Variants in ZPLD1 observed in about 807,000 individuals in gnomAD.
ZPLD1 encodes zona pellucida like domain containing 1.
A neutral mutation model predicts 47.2 loss-of-function variants in ZPLD1; 34 were observed. The ratio of observed to expected loss-of-function variants is 0.72; its 90% CI spans 0.55 to 0.96. The LOEUF is 0.96. ZPLD1 is among the 40% of genes least tolerant of loss of function. ZPLD1 has a pLI of 0.00. For missense variants in ZPLD1, 512 were observed against 505.8 expected (o/e 1.01, Z -0.12); for synonymous variants, 176 against 186.2 (o/e 0.95, Z 0.45).
At chr3:102,432,969 T>C (rs1707033994), upstream of ZPLD1, among the ~76,000 whole-genome samples, 1 of 152,228 alleles carries the variant, frequency 6.6e-6, no homozygotes, top group South Asian at 2.1e-4. Context: ...CTATTCTTCT[T>C]GCTTTATTCA....
At chr3:102,427,791 A>G (rs2107311642) in intron 8 of ZPLD1, among the ~76,000 whole-genome samples, 1 of 152,356 alleles carries the variant, frequency 6.6e-6, no homozygotes, top group East Asian at 1.9e-4. Flanking sequence ...TACATGAAAT[A>G]CACAGACAAC....
chr3:102,422,287 C>A (rs1706889315), intron 8 of ZPLD1, among the ~76,000 whole-genome samples: 1 of 151,830 alleles, frequency 6.6e-6, no homozygotes, highest in South Asian at 2.1e-4. Context: ...GTGATTTTGC[C>A]CCCTAGGAGA....
intron 3 of ZPLD1, among the ~76,000 whole-genome samples, chr3:102,440,548 T>A (rs1707160723): frequency 6.6e-6 from 1 of 152,022 alleles, no homozygotes; most frequent in South Asian, 2.1e-4. Flanking sequence ...ATTTTTAGAA[T>A]ATATAGTGGC....
chr3:102,390,993 A>G (rs1444922012), intron 6 of ZPLD1, among the ~76,000 whole-genome samples: 1 of 152,074 alleles, frequency 6.6e-6, no homozygotes, highest in Non-Finnish European at 1.5e-5. Context: ...GACTAAGTAA[A>G]TTTTTAGTCT....
chr3:102,451,531 C>T (rs1398506512), intron 3 of ZPLD1, among the ~76,000 whole-genome samples: 1 of 152,164 alleles, frequency 6.6e-6, no homozygotes, highest in Non-Finnish European at 1.5e-5. Flanking sequence ...TCTAGGGCTG[C>T]TGTAACAAAG....
At chr3:102,465,937 G>A (rs185353550) in intron 8 of ZPLD1, among the ~76,000 whole-genome samples, 7 of 152,244 alleles carry the variant, frequency 4.6e-5, no homozygotes, top group Admixed American at 1.3e-4. Flanking sequence ...GCTCCCAGAA[G>A]CAGCTGGAGA....
chr3:102,409,586 A>G (rs1477205818), intron 7 of ZPLD1, among the ~76,000 whole-genome samples: 1 of 151,828 alleles, frequency 6.6e-6, no homozygotes, highest in Non-Finnish European at 1.5e-5. Context: ...TATATGGAGT[A>G]TTTGTTTCCA....
chr3:102,469,203 G>C, intron 9 of ZPLD1, 68 bp downstream of exon 9: 1 of 1,500,682 alleles, frequency 6.7e-7, no homozygotes, highest in Non-Finnish European at 9.0e-7. Flanking sequence ...TCAAATGTCA[G>C]AAACTAAGTT....
chr3:102,440,479 A>G (rs780261757), intron 3 of ZPLD1, among the ~76,000 whole-genome samples: 3 of 152,174 alleles, frequency 2.0e-5, no homozygotes, highest in Non-Finnish European at 2.9e-5. Flanking sequence ...CAAAAAAAAC[A>G]TAGGACACTT....
At chr3:102,452,691 G>A (rs1195599438) in intron 3 of ZPLD1, among the ~76,000 whole-genome samples, 1 of 152,112 alleles carries the variant, frequency 6.6e-6, no homozygotes, top group Non-Finnish European at 1.5e-5. Context: ...AGGAAACAGA[G>A]GTGAACTGTA....
intron 8 of ZPLD1, among the ~76,000 whole-genome samples, chr3:102,423,722 T>C (rs1706907613): frequency 6.6e-6 from 1 of 151,908 alleles, no homozygotes; most frequent in South Asian, 2.1e-4. Flanking sequence ...GTTAGGTGAG[T>C]CTCCCTCAAG....
intron 7 of ZPLD1, among the ~76,000 whole-genome samples, chr3:102,404,981 T>C (rs1706664571): frequency 6.6e-6 from 1 of 152,008 alleles, no homozygotes; most frequent in African/African-American, 2.4e-5. Context: ...TTCCAGTCCT[T>C]GAAACAACAA....
chr3:102,471,015 A>T (rs1707676504), intron 10 of ZPLD1, among the ~76,000 whole-genome samples: 1 of 151,872 alleles, frequency 6.6e-6, no homozygotes, highest in Non-Finnish European at 1.5e-5. Flanking sequence ...CTGACCTCAT[A>T]ATCCACCCAC....
chr3:102,400,376 T>C (rs577446801), intron 7 of ZPLD1, among the ~76,000 whole-genome samples: 1 of 152,210 alleles, frequency 6.6e-6, no homozygotes, highest in African/African-American at 2.4e-5. Flanking sequence ...GTCGTAGGCT[T>C]AGAGGTACTG....
upstream of ZPLD1, among the ~76,000 whole-genome samples, chr3:102,433,828 C>T (rs965056559): frequency 2.6e-5 from 4 of 152,138 alleles, no homozygotes; most frequent in Non-Finnish European, 5.9e-5. Flanking sequence ...CGCGCCTGGC[C>T]AAGAACAATG....
intron 8 of ZPLD1, among the ~76,000 whole-genome samples, chr3:102,424,510 T>C (rs976894850): frequency 3.3e-5 from 5 of 152,192 alleles, no homozygotes; most frequent in African/African-American, 9.6e-5. Context: ...TCTCTCAACA[T>C]TGTTCTTGCG....
chr3:102,437,158 T>A (rs548392190), intron 2 of ZPLD1, among the ~76,000 whole-genome samples, 185 bp downstream of exon 2: 13 of 152,352 alleles, frequency 8.5e-5, no homozygotes, highest in Non-Finnish European at 5.9e-5. Flanking sequence ...CTTTTGCTTA[T>A]GGACTGTCAC....
At chr3:102,413,224 A>T (rs948215853) in intron 7 of ZPLD1, among the ~76,000 whole-genome samples, 1 of 151,742 alleles carries the variant, frequency 6.6e-6, no homozygotes, top group Non-Finnish European at 1.5e-5. Flanking sequence ...TAAAAAGACT[A>T]TTTTTTTAAC....
intron 8 of ZPLD1, among the ~76,000 whole-genome samples, chr3:102,423,061 A>G (rs1478549972): frequency 1.3e-5 from 2 of 152,076 alleles, no homozygotes; most frequent in Non-Finnish European, 2.9e-5. Flanking sequence ...TTTTTTCCCT[A>G]CAATTGTTTT....
Sources: allele counts gnomAD v4.1 joint callset (sites outside exome capture counted in the v4.1 genomes callset), GRCh38; gene constraint gnomAD v4.1.1; transcripts MANE v1.5; gene names NCBI Gene and HGNC (gene_info 2026-07-23, HGNC 2026-07-21).